The following MTRF1 variants were observed in gnomAD, a reference collection of about 807,000 sequenced individuals.
MTRF1 encodes peptide chain release factor 1, mitochondrial.
Under a neutral mutation model 62.9 loss-of-function variants are expected in MTRF1, and 51 were observed. The observed-to-expected ratio is 0.81, with a 90% CI of 0.65 to 1.02. MTRF1 has a LOEUF of 1.02. MTRF1 is among the 50% of genes least tolerant of loss of function. MTRF1 has a pLI of 0.00. For missense variants in MTRF1, 446 were observed against 530.0 expected (o/e 0.84, Z 1.56); for synonymous variants, 158 against 181.9 (o/e 0.87, Z 1.06).
At chr13:41,254,343 T>TAATA (rs1330202486) in intron 3 of MTRF1, among the ~76,000 whole-genome samples, 186 bp downstream of exon 3, 1 of 152,190 alleles carries the variant, frequency 6.6e-6, no homozygotes, top group Non-Finnish European at 1.5e-5. Context: ...GAGTCTTTAT[T>TAATA]ATTTGACATC....
the MTRF1 span, among the ~76,000 whole-genome samples, chr13:41,275,279 C>A: frequency 6.6e-6 from 1 of 151,820 alleles, no homozygotes; most frequent in Non-Finnish European, 1.5e-5. Flanking sequence ...CAGCTCGCTG[C>A]AAGCTCCGCC....
intron 8 of MTRF1, among the ~76,000 whole-genome samples, chr13:41,223,701 T>A (rs1056817585): frequency 1.3e-5 from 2 of 152,176 alleles, no homozygotes; most frequent in Non-Finnish European, 2.9e-5. Flanking sequence ...ATTCTGCAAT[T>A]TATCAAACAT....
chr13:41,252,629 T>G lies in MTRF1; in HGVS notation c.697+16A>C. On this transcript the variant is annotated intron_variant, in intron 5 of 9. Transcript: ENST00000379480. ...TTTTCAGTATCTCCTACAGGCAAAT[T>G]CCTCAATATGCCTACCATAATCTGC... is the stretch of plus-strand genomic sequence containing the variant. 4.4e-6 allele frequency: 7 copies of G among 1,586,054 alleles called. No homozygotes were observed. The highest frequency in any genetic ancestry group is 2.2e-5 in the East Asian group (1 of 44,626).
chr13:41,301,074 G>C, the MTRF1 span, among the ~76,000 whole-genome samples: 43 of 152,196 alleles, frequency 2.8e-4, no homozygotes, highest in Non-Finnish European at 5.3e-4. Context: ...TGCATATAGT[G>C]TCTAGTACAG....
At position 41,217,077 on chromosome 13, in the gene MTRF1, T is replaced by C. The variant is rs2032023520; in HGVS notation, c.*38A>G. On this transcript the variant is annotated 3_prime_UTR_variant, in exon 10 of 10. Transcript: ENST00000379480. Reference sequence around the variant, plus strand: ...CAGTCTGCCTCTTGATATAGGTCCATTTCATTTATATAATCATAAATAATA... The same window carrying C: ...CAGTCTGCCTCTTGATATAGGTCCACTTCATTTATATAATCATAAATAATA... 7.2e-6 allele frequency: 9 copies of C among 1,254,974 alleles called. No homozygotes were observed. The highest frequency in any genetic ancestry group is 1.0e-5 in the Non-Finnish European group (9 of 883,718). 77.7% of individuals were successfully genotyped at this position (1,254,974 alleles called of 1,614,324 possible). A position where few individuals can be genotyped will look rare whatever the true frequency, so the allele number is the denominator to read the frequency against.
chr13:41,223,243 T>C lies in MTRF1; in HGVS notation c.1224+13A>G. Reference sequence around the variant, plus strand: ...GAAATCAAAGGTAGGCAAAGCATACTCAGTAGTATTACCTTAATATCACGA... The same window carrying C: ...GAAATCAAAGGTAGGCAAAGCATACCCAGTAGTATTACCTTAATATCACGA... On this transcript the variant is annotated intron_variant, in intron 9 of 9. Transcript: ENST00000379480. The C allele has an allele frequency of 1.3e-6, 2 of 1,572,868 alleles. No homozygotes were observed.
the MTRF1 span, among the ~76,000 whole-genome samples, chr13:41,269,185 G>GT: frequency 0.037 from 3,529 of 96,262 alleles, 202 homozygotes; most frequent in African/African-American, 0.13. Flanking sequence ...CTTTTACCTT[G>GT]TTTTTTTTTT....
In MTRF1 at chr13:41,240,146, G is replaced by C. The variant is rs2037276986; in HGVS notation, c.870+115C>G. 2.8e-6 allele frequency: 3 copies of C among 1,071,864 alleles called. No homozygotes were observed. The South Asian group carries it at 5.1e-5, about 18-fold the overall frequency. The allele number at this position is 1,071,864 out of a possible 1,614,324, so 66.4% of individuals were successfully genotyped here. On this transcript the variant is annotated intron_variant, in intron 6 of 9. Coordinates refer to ENST00000379480, the MANE Select transcript of MTRF1 (RefSeq NM_004294.4). ...CCACTGTACTCCAACCTGGGCGACA[G>C]AGCGAGACTCTGTCTCAAAAAAAAA...
the MTRF1 span, among the ~76,000 whole-genome samples, chr13:41,276,160 C>T: frequency 3.3e-5 from 5 of 151,836 alleles, no homozygotes; most frequent in African/African-American, 1.2e-4. Flanking sequence ...CTAAAATTCT[C>T]TTCATCTAAT....
chr13:41,237,606 C>T (rs2036873210), intron 6 of MTRF1, among the ~76,000 whole-genome samples: 1 of 152,138 alleles, frequency 6.6e-6, no homozygotes, highest in South Asian at 2.1e-4. Flanking sequence ...AAGCAATTCT[C>T]CTGCCTCAGC....
At chr13:41,223,420 C>T in intron 8 of MTRF1, 66 bp from the exon 9 acceptor site, 1 of 1,302,056 alleles carries the variant, frequency 7.7e-7, no homozygotes, top group Non-Finnish European at 1.1e-6. Flanking sequence ...ATGGAAAAAG[C>T]ACTTGGCAAA....
the MTRF1 span, among the ~76,000 whole-genome samples, chr13:41,308,868 C>T: frequency 2.0e-5 from 3 of 152,148 alleles, no homozygotes; most frequent in African/African-American, 7.2e-5. Context: ...AATCTTCACC[C>T]TCCTCCTACT....
the MTRF1 span, among the ~76,000 whole-genome samples, chr13:41,295,235 A>G: frequency 3.3e-5 from 5 of 152,166 alleles, no homozygotes; most frequent in Non-Finnish European, 5.9e-5. Flanking sequence ...TTGAAGGTGT[A>G]GAAAAGCAAT....
chr13:41,260,601 G>A lies in MTRF1; in HGVS notation c.307C>T (p.Arg103Ter), dbSNP rs1252922324. ...LQHIPVNEEN[R>*]RSLNRRHAEL... ...GCATGCCTTCTGTTCAAGGACCTTC[G>A]GTTTTCCTCATTCACAGGGATATGC... Residue 103 changes from arginine (R) to a stop codon, truncating the protein, a stop_gained, in exon 2 of 10, where the codon CGA becomes TGA. Transcript: ENST00000379480. LOFTEE classifies it high-confidence loss of function. The A allele has an allele frequency of 3.7e-5, 59 of 1,613,878 alleles. No individual in the cohort carries two copies. The highest frequency in any genetic ancestry group is 4.6e-5 in the Non-Finnish European group (54 of 1,179,972).
chr13:41,311,595 A>T, the MTRF1 span: 1 of 1,602,032 alleles, frequency 6.2e-7, no homozygotes, highest in East Asian at 2.3e-5. Flanking sequence ...GAGTGGCCGT[A>T]GGCCGCGCTG....
At chr13:41,287,832 C>T in the MTRF1 span, 8 of 300,176 alleles carry the variant, frequency 2.7e-5, no homozygotes, top group Admixed American at 9.3e-5. Context: ...TTTGAACCCT[C>T]GCTATGTGAG....
At chr13:41,302,969 T>C in the MTRF1 span, among the ~76,000 whole-genome samples, 1 of 152,096 alleles carries the variant, frequency 6.6e-6, no homozygotes, top group Admixed American at 6.6e-5. Flanking sequence ...GCACCTTGAG[T>C]AGGTGGAACC....
the MTRF1 span, among the ~76,000 whole-genome samples, chr13:41,310,746 TAG>T: frequency 6.6e-6 from 1 of 152,192 alleles, no homozygotes; most frequent in Non-Finnish European, 1.5e-5. Flanking sequence ...GGCTTCTACT[TAG>T]AGTCTGAATC....
the MTRF1 span, among the ~76,000 whole-genome samples, chr13:41,285,480 C>T: frequency 2.0e-5 from 3 of 152,194 alleles, no homozygotes; most frequent in East Asian, 5.8e-4. Context: ...GTACTGGCAA[C>T]AAACCCATTG....
Sources: allele counts gnomAD v4.1 joint callset (sites outside exome capture counted in the v4.1 genomes callset), GRCh38; gene constraint gnomAD v4.1.1; transcripts MANE v1.5; gene names NCBI Gene and HGNC (gene_info 2026-07-23, HGNC 2026-07-21).